Variants in PLOD2 observed in about 807,000 individuals in gnomAD.
PLOD2 encodes procollagen-lysine,2-oxoglutarate 5-dioxygenase 2.
A neutral mutation model predicts 101.0 loss-of-function variants in PLOD2; 65 were observed. The observed-to-expected ratio is 0.64, with a 90% CI of 0.53 to 0.79. The LOEUF is 0.79. Ranked by LOEUF, PLOD2 falls within the 30% of genes least tolerant of loss-of-function variation. The pLI, the probability that PLOD2 is intolerant of heterozygous loss-of-function variation, is 0.00. For missense variants in PLOD2, 909 were observed against 914.6 expected, an observed-to-expected ratio of 0.99 and a Z score of 0.08; for synonymous variants, 314 against 302.9, an observed-to-expected ratio of 1.04 and a Z score of -0.38.
chr3:146,119,651 T>A (rs2029903027), intron 3 of PLOD2, among the ~76,000 whole-genome samples: 1 of 151,922 alleles, frequency 6.6e-6, no homozygotes, highest in African/African-American at 2.4e-5. Flanking sequence ...GTCCATGTGA[T>A]CTCATTGTTC....
At chr3:146,150,401 A>T (rs1258723275) in intron 1 of PLOD2, among the ~76,000 whole-genome samples, 1 of 152,244 alleles carries the variant, frequency 6.6e-6, no homozygotes, top group Non-Finnish European at 1.5e-5. Context: ...CCATTAAAAA[A>T]AAAATGAGAT....
At position 146,158,617 on chromosome 3, in the gene PLOD2, A is replaced by G. The variant is rs369982273; in HGVS notation, c.109+2264T>C. 2.0e-4 allele frequency among the ~76,000 whole-genome samples: 31 copies of G among 152,012 alleles called. No homozygotes were observed. In the East Asian group the frequency reaches 3.5e-3, roughly 17 times the overall value. On this transcript the variant is annotated intron_variant, in intron 1 of 19. Transcript: ENST00000282903. ...AAATACAAATAGATTAGTCTAATCC[A>G]GGGATTCTTAACCCTGGGCAATTTT...
chr3:146,115,043 G>C (rs369356408), intron 3 of PLOD2, among the ~76,000 whole-genome samples: 1 of 152,096 alleles, frequency 6.6e-6, no homozygotes, highest in Non-Finnish European at 1.5e-5. Context: ...CTGGTTTTGC[G>C]GCTTGGGGGG....
chr3:146,076,943 G>A, intron 14 of PLOD2, 48 bp from the exon 15 acceptor site: 1 of 1,398,524 alleles, frequency 7.2e-7, no homozygotes, highest in African/African-American at 1.4e-5. Context: ...AGGTACAAAA[G>A]TAAATTTAAT....
intron 1 of PLOD2, among the ~76,000 whole-genome samples, chr3:146,152,479 A>T (rs1351421775): frequency 6.6e-6 from 1 of 152,160 alleles, no homozygotes; most frequent in Non-Finnish European, 1.5e-5. Context: ...CAGTTATGCT[A>T]ATATGTAATG....
intron 7 of PLOD2, among the ~76,000 whole-genome samples, chr3:146,098,286 C>T (rs1332208858): frequency 6.6e-6 from 1 of 151,926 alleles, no homozygotes; most frequent in Admixed American, 6.6e-5. Context: ...AAAGGCTGAA[C>T]ATTAAAATAT....
Position 146,069,601 on chromosome 3 carries a change from C to T in PLOD2, c.*1116G>A, listed in dbSNP as rs891727703. 6 of 151,944 alleles carry T rather than the reference C, an allele frequency of 3.9e-5. No homozygotes were observed. Among genetic ancestry groups the T allele is most frequent in the African/African-American group, 1.5e-4 (6 of 41,266 alleles). 9.4% of individuals were successfully genotyped at this position (151,944 alleles called of 1,614,324 possible). ...CTTACTTAGAGAAGTGATAAAACAT[C>T]AAGTCAACAAGTATTTTTGTTGGAG... On this transcript the variant is annotated 3_prime_UTR_variant, in exon 20 of 20. Transcript: ENST00000282903.
chr3:146,134,708 G>C (rs1257918746), intron 1 of PLOD2, among the ~76,000 whole-genome samples: 1 of 152,188 alleles, frequency 6.6e-6, no homozygotes, highest in African/African-American at 2.4e-5. Flanking sequence ...TCAGGAACCA[G>C]GACAAACCAG....
chr3:146,095,262 A>AT (rs1374425200), intron 7 of PLOD2, among the ~76,000 whole-genome samples: 2 of 152,070 alleles, frequency 1.3e-5, no homozygotes, highest in Admixed American at 1.3e-4. Context: ...AAAAGAAACC[A>AT]TCATCAGAGT....
intron 1 of PLOD2, among the ~76,000 whole-genome samples, chr3:146,130,705 T>G (rs2030859034): frequency 6.6e-6 from 1 of 152,222 alleles, no homozygotes; most frequent in Non-Finnish European, 1.5e-5. Context: ...CAAAGTCACC[T>G]AACAAATTAC....
At chr3:146,129,561 C>T (rs1410936100) in intron 1 of PLOD2, among the ~76,000 whole-genome samples, 1 of 152,052 alleles carries the variant, frequency 6.6e-6, no homozygotes, top group African/African-American at 2.4e-5. Flanking sequence ...ACAGTATTTC[C>T]ATGAGAGTAA....
At chr3:146,131,356 G>A (rs932926867) in intron 1 of PLOD2, among the ~76,000 whole-genome samples, 3 of 152,140 alleles carry the variant, frequency 2.0e-5, no homozygotes, top group Non-Finnish European at 2.9e-5. Flanking sequence ...CACTGAACCC[G>A]CAGGTGGTCT....
chr3:146,079,314 C>A lies in PLOD2; in HGVS notation c.1359-57G>T. ...CACAAATACAAACAATTTTAAGTTT[C>A]ATTTTTACCTTTTTAAAATAAATGC... On this transcript the variant is annotated intron_variant, in intron 12 of 19. Transcript: ENST00000282903. 1.5e-6 allele frequency: 2 copies of A among 1,326,132 alleles called. 1 individual carries two copies. The highest frequency in any genetic ancestry group is 2.1e-6 in the Non-Finnish European group (2 of 934,796). The allele number at this position is 1,326,132 out of a possible 1,614,324, so 82.1% of individuals were successfully genotyped here. A position where few individuals can be genotyped will look rare whatever the true frequency, so the allele number is the denominator to read the frequency against.
rs534691846 is a variant in PLOD2, at chr3:146,071,195, T to C, written c.1996-28A>G. On this transcript the variant is annotated intron_variant, in intron 18 of 19. Coordinates refer to ENST00000282903, the MANE Select transcript of PLOD2 (RefSeq NM_182943.3). ...GAAAAAGCAAAGTAAGCCAGTGGAT[T>C]TGCTTATTAATAAAAACATTAAAAA... 5 of 1,610,962 alleles carry C rather than the reference T, an allele frequency of 3.1e-6. No homozygotes were observed. In the African/African-American group the frequency reaches 4.0e-5, roughly 13 times the overall value.
chr3:146,119,064 C>T (rs995910305), intron 3 of PLOD2, among the ~76,000 whole-genome samples: 1 of 152,114 alleles, frequency 6.6e-6, no homozygotes, highest in African/African-American at 2.4e-5. Context: ...ACCCTCAGTG[C>T]TGGAGGTGGG....
intron 8 of PLOD2, among the ~76,000 whole-genome samples, chr3:146,090,012 T>TG (rs1936922289): frequency 6.6e-6 from 1 of 151,534 alleles, no homozygotes; most frequent in African/African-American, 2.4e-5. Context: ...CCTAAGTTCA[T>TG]GTTTATATAA....
At chr3:146,135,382 T>C (rs1413296793) in intron 1 of PLOD2, among the ~76,000 whole-genome samples, 3 of 152,156 alleles carry the variant, frequency 2.0e-5, no homozygotes, top group African/African-American at 7.2e-5. Context: ...TCATCTTCTA[T>C]GGAATTACCA....
intron 3 of PLOD2, among the ~76,000 whole-genome samples, chr3:146,115,342 C>T (rs1405504508): frequency 2.6e-5 from 4 of 152,160 alleles, no homozygotes; most frequent in African/African-American, 9.7e-5. Flanking sequence ...TGTGGTCATA[C>T]TGAGTCCCCT....
chr3:146,091,227 A>G (rs1272152094), intron 8 of PLOD2, among the ~76,000 whole-genome samples: 1 of 151,826 alleles, frequency 6.6e-6, no homozygotes, highest in Non-Finnish European at 1.5e-5. Flanking sequence ...CAGACTCCCT[A>G]TATTCAAATC....
Sources: gnomAD v4.1 joint callset for allele counts (sites outside exome capture counted in the v4.1 genomes callset) on GRCh38, gnomAD v4.1.1 for gene constraint, MANE v1.5 for transcripts, NCBI Gene and HGNC (gene_info 2026-07-23, HGNC 2026-07-21) for gene names.